Variants in NDFIP1 observed in about 807,000 individuals in gnomAD.
The protein encoded by NDFIP1 is Nedd4 family interacting protein 1, also known as NEDD4 family-interacting protein 1.
NDFIP1 carries 7 observed loss-of-function variants against 28.8 expected under a neutral mutation model. The ratio of observed to expected loss-of-function variants is 0.24; its 90% confidence interval spans 0.14 to 0.46. NDFIP1 has a LOEUF of 0.46. NDFIP1 is among the 20% of genes least tolerant of loss of function. The pLI is 0.99. For synonymous variants in NDFIP1, 92 were observed against 101.0 expected, an observed-to-expected ratio of 0.91 and a Z score of 0.53; for missense variants, 194 against 269.1, an observed-to-expected ratio of 0.72 and a Z score of 1.95.
At chr5:142,130,836 C>T (rs1596788706) in intron 1 of NDFIP1, among the ~76,000 whole-genome samples, 1 of 152,270 alleles carries the variant, frequency 6.6e-6, no homozygotes, top group Middle Eastern at 3.4e-3. Flanking sequence ...TCATTCTAGG[C>T]CTCCTTTCCA....
chr5:142,120,318 C>T lies in NDFIP1; in HGVS notation c.63+11281C>T, dbSNP rs531598564. Among the ~76,000 whole-genome samples, 8 of 152,286 alleles carry T rather than the reference C, an allele frequency of 5.3e-5. No homozygotes were observed. The East Asian group carries it at 5.8e-4, about 11-fold the overall frequency. On this transcript the variant is annotated intron_variant, in intron 1 of 7. Transcript: ENST00000253814. Reference sequence around the variant, plus strand: ...ATACCACTCTGAACATGCCCAATCTCGTCTGTTTATAAATCTCATTTTCAC... The same window carrying T: ...ATACCACTCTGAACATGCCCAATCTTGTCTGTTTATAAATCTCATTTTCAC...
intron 1 of NDFIP1, among the ~76,000 whole-genome samples, chr5:142,111,027 A>G (rs557045369): frequency 4.6e-5 from 7 of 152,108 alleles, no homozygotes; most frequent in Middle Eastern, 3.4e-3. Context: ...GTCCAGATAT[A>G]GGTGTATGCA....
At chr5:142,150,105 C>T (rs901825980) in intron 7 of NDFIP1, among the ~76,000 whole-genome samples, 8 of 149,774 alleles carry the variant, frequency 5.3e-5, no homozygotes, top group African/African-American at 1.5e-4. Flanking sequence ...AGCATGAACC[C>T]GGGGGGCGGA....
At chr5:142,119,853 C>A (rs1757105175) in intron 1 of NDFIP1, among the ~76,000 whole-genome samples, 1 of 152,148 alleles carries the variant, frequency 6.6e-6, no homozygotes, top group Admixed American at 6.5e-5. Flanking sequence ...GAATACAATC[C>A]TATAAAAATT....
intron 1 of NDFIP1, among the ~76,000 whole-genome samples, chr5:142,116,424 A>G (rs1418262367): frequency 6.7e-6 from 1 of 149,782 alleles, no homozygotes; most frequent in Non-Finnish European, 1.5e-5. Context: ...GCTGGAGTGC[A>G]GTGGCGCAAT....
At chr5:142,136,309 G>A (rs1757274103) in intron 4 of NDFIP1, among the ~76,000 whole-genome samples, 1 of 152,186 alleles carries the variant, frequency 6.6e-6, no homozygotes. Flanking sequence ...ATAAGAAAAT[G>A]CAATGCTTTT....
At chr5:142,125,429 C>T (rs984521309) in intron 1 of NDFIP1, among the ~76,000 whole-genome samples, 3 of 152,174 alleles carry the variant, frequency 2.0e-5, no homozygotes, top group African/African-American at 7.2e-5. Context: ...ACAGACTAGA[C>T]TGGACTCACT....
Position 142,154,094 on chromosome 5 carries a change from A to G in NDFIP1, c.*2366A>G, listed in dbSNP as rs958056945. On this transcript the variant is annotated 3_prime_UTR_variant, in exon 8 of 8. Transcript: ENST00000253814. ...TTCAGGATGAAAATGTTCACGCTGC[A>G]TTAATTGTCATTTTTCTCTCCCATG... The G allele has an allele frequency of 1.3e-5, 2 of 152,382 alleles. No individual in the cohort carries two copies. The highest frequency in any genetic ancestry group is 2.9e-5 in the Non-Finnish European group (2 of 68,044). The allele number at this position is 152,382 out of a possible 1,614,324, so 9.4% of individuals were successfully genotyped here.
At chr5:142,137,623 A>G in intron 4 of NDFIP1, 111 bp from the exon 5 acceptor site, 2 of 1,249,884 alleles carry the variant, frequency 1.6e-6, no homozygotes, top group Non-Finnish European at 1.1e-6. Flanking sequence ...TGTGGAGGAC[A>G]GGCTGTCTTT....
intron 7 of NDFIP1, among the ~76,000 whole-genome samples, chr5:142,149,889 A>G (rs1287851742): frequency 2.0e-5 from 3 of 152,150 alleles, no homozygotes; most frequent in Non-Finnish European, 4.4e-5. Context: ...TTCATCTATT[A>G]AAAGAAACTG....
Position 142,144,301 on chromosome 5 carries a change from G to A in NDFIP1, c.563-270G>A, listed in dbSNP as rs896260596. On this transcript the variant is annotated intron_variant, in intron 6 of 7. Transcript: ENST00000253814. ...CTCAATGAGGCTTTCATATGTAAAT[G>A]TTTGGCTCCATCTTATTTTTTATTT... The A allele has an allele frequency of 1.3e-5, 3 of 230,350 alleles. No homozygotes were observed. In the South Asian group the frequency reaches 3.0e-4, roughly 23 times the overall value. The allele number at this position is 230,350 out of a possible 1,614,324, so 14.3% of individuals were successfully genotyped here.
At chr5:142,140,985 T>TA (rs1236261154) in intron 6 of NDFIP1, among the ~76,000 whole-genome samples, 1 of 152,148 alleles carries the variant, frequency 6.6e-6, no homozygotes, top group Non-Finnish European at 1.5e-5. Flanking sequence ...CTTATACGCT[T>TA]ACTGCAGCCA....
intron 3 of NDFIP1, among the ~76,000 whole-genome samples, chr5:142,133,005 T>C (rs1360046218): frequency 6.6e-6 from 1 of 152,214 alleles, no homozygotes; most frequent in Non-Finnish European, 1.5e-5. Flanking sequence ...GCAGGATAAG[T>C]CCCCAGAAAT....
intron 1 of NDFIP1, among the ~76,000 whole-genome samples, chr5:142,121,111 T>C (rs1757118246): frequency 6.6e-6 from 1 of 152,236 alleles, no homozygotes; most frequent in South Asian, 2.1e-4. Context: ...GTCTTTTCAA[T>C]GTGGAATATT....
At chr5:142,110,839 T>C (rs1296670238) in intron 1 of NDFIP1, among the ~76,000 whole-genome samples, 1 of 137,692 alleles carries the variant, frequency 7.3e-6, no homozygotes, top group Non-Finnish European at 1.5e-5. Context: ...ATCACAGTAT[T>C]AAGTAATTTA....
At chr5:142,110,058 T>C (rs1029246840) in intron 1 of NDFIP1, among the ~76,000 whole-genome samples, 4 of 151,810 alleles carry the variant, frequency 2.6e-5, no homozygotes, top group Non-Finnish European at 5.9e-5. Context: ...ATTTTAGAAG[T>C]AAGGAAAGCC....
At chr5:142,120,194 A>G (rs6580227) in intron 1 of NDFIP1, among the ~76,000 whole-genome samples, 142,631 of 152,248 alleles carry the variant, frequency 0.94, 66,874 homozygotes, top group East Asian at 1. Flanking sequence ...GACCTCAGGC[A>G]ATCTGCCCAC....
chr5:142,152,667 G>A lies in NDFIP1; in HGVS notation c.*939G>A, dbSNP rs1389160319. 6.4e-6 allele frequency: 1 copy of A among 155,098 alleles called. No homozygotes were observed. The highest frequency in any genetic ancestry group is 2.4e-5 in the African/African-American group (1 of 41,434). The allele number at this position is 155,098 out of a possible 1,614,324, so 9.6% of individuals were successfully genotyped here. A position where few individuals can be genotyped will look rare whatever the true frequency, so the allele number is the denominator to read the frequency against. On this transcript the variant is annotated 3_prime_UTR_variant, in exon 8 of 8. Coordinates refer to ENST00000253814, the MANE Select transcript of NDFIP1 (RefSeq NM_030571.4). ...TACAATGTGTTAGCAGAAACCAGTG[G>A]GTTATAATGTAGAATGATGTGCTTT...
At chr5:142,136,375 G>T (rs1256738905) in intron 4 of NDFIP1, among the ~76,000 whole-genome samples, 1 of 152,182 alleles carries the variant, frequency 6.6e-6, no homozygotes, top group Non-Finnish European at 1.5e-5. Context: ...TGAGTGACTT[G>T]AATCAGATTA....
Sources: allele counts gnomAD v4.1 joint callset (sites outside exome capture counted in the v4.1 genomes callset), GRCh38; gene constraint gnomAD v4.1.1; transcripts MANE v1.5; gene names NCBI Gene and HGNC (gene_info 2026-07-23, HGNC 2026-07-21).